EHBP1: variants seen among roughly 807,000 people sequenced by gnomAD.
EHBP1 encodes EH domain binding protein 1, also known as EH domain-binding protein 1.
Under a neutral mutation model 144.0 loss-of-function variants are expected in EHBP1, and 55 were observed. The observed-to-expected ratio is 0.38, with a 90% CI of 0.31 to 0.48. EHBP1 has a LOEUF of 0.48. Among genes scored for constraint, EHBP1 ranks in the 20% least tolerant of loss-of-function variants. EHBP1 has a pLI of 0.98. For synonymous variants in EHBP1, 469 were observed against 472.7 expected (o/e 0.99, Z 0.10); for missense variants, 1,200 against 1,364.2 (o/e 0.88, Z 1.90).
At chr2:63,001,109 C>T (rs572066217) in intron 19 of EHBP1, among the ~76,000 whole-genome samples, 43 of 152,112 alleles carry the variant, frequency 2.8e-4, no homozygotes, top group African/African-American at 9.6e-4. Context: ...TTTTCCATTC[C>T]CAATCTGTTT....
chr2:62,746,928 T>G (rs1005327204), intron 2 of EHBP1, among the ~76,000 whole-genome samples: 1 of 152,034 alleles, frequency 6.6e-6, no homozygotes, highest in Admixed American at 6.6e-5. Flanking sequence ...TTGAGATGAT[T>G]GGCTATAATA....
rs759632063 is a variant in EHBP1 at position 62,864,824 on chromosome 2, A to G, written c.851A>G (p.Tyr284Cys). 1.9e-6 allele frequency: 3 copies of G among 1,614,014 alleles called. No homozygotes were observed. The highest frequency in any genetic ancestry group is 2.2e-5 in the South Asian group (2 of 91,088). ...NPFKEVQTPQ[Y>C]LNPFDEPEAF... is the part of the protein sequence containing the mutation. ...TTTAAAGAGGTGCAGACTCCACAGT[A>G]TTTGAACCCATTCGATGAGCCAGAA... is the stretch of plus-strand genomic sequence containing the variant. The change falls in exon 9 of 23, where the codon TAT becomes TGT. Residue 284 changes from tyrosine to cysteine, a missense_variant. Physicochemically the swap from Tyr to Cys is radical, Grantham distance 194 (BLOSUM62 -2). Around this residue, in one of 6 missense-constraint regions of EHBP1, gnomAD observed 266 missense variants for 262.4 expected, o/e 1.01. Coordinates refer to ENST00000431489, the MANE Select transcript of EHBP1 (RefSeq NM_001142616.3).
chr2:63,004,347 A>G (rs1292495767), intron 19 of EHBP1, among the ~76,000 whole-genome samples: 2 of 152,044 alleles, frequency 1.3e-5, no homozygotes, highest in Non-Finnish European at 2.9e-5. Flanking sequence ...AAGTTCTTTT[A>G]ACTACATCTT....
At chr2:62,887,423 A>G (rs1476185073) in intron 10 of EHBP1, among the ~76,000 whole-genome samples, 1 of 152,150 alleles carries the variant, frequency 6.6e-6, no homozygotes, top group African/African-American at 2.4e-5. Flanking sequence ...ATTACTTGCA[A>G]GAGTCTTTTT....
At chr2:62,686,555 C>A (rs1054069314) in intron 1 of EHBP1, among the ~76,000 whole-genome samples, 2 of 152,156 alleles carry the variant, frequency 1.3e-5, no homozygotes, top group African/African-American at 4.8e-5. Flanking sequence ...CAAATTATCA[C>A]CGTATTGCTC....
intron 9 of EHBP1, among the ~76,000 whole-genome samples, 196 bp from the exon 10 acceptor site, chr2:62,874,150 A>G (rs1031852046): frequency 3.9e-5 from 6 of 152,208 alleles, no homozygotes; most frequent in South Asian, 4.1e-4. Flanking sequence ...AGTACTTTTT[A>G]AAACCAAATT....
At chr2:62,917,666 G>A (rs1442873822) in intron 10 of EHBP1, among the ~76,000 whole-genome samples, 1 of 152,106 alleles carries the variant, frequency 6.6e-6, no homozygotes, top group African/African-American at 2.4e-5. Flanking sequence ...TTACAGAACT[G>A]AATTGATTTT....
chr2:62,767,929 G>A (rs1242424948), intron 4 of EHBP1, among the ~76,000 whole-genome samples: 1 of 151,972 alleles, frequency 6.6e-6, no homozygotes, highest in African/African-American at 2.4e-5. Context: ...TTACTTTGGG[G>A]TAAATAATGA....
chr2:62,927,852 C>T (rs550847108), intron 10 of EHBP1, among the ~76,000 whole-genome samples: 1 of 152,152 alleles, frequency 6.6e-6, no homozygotes, highest in East Asian at 1.9e-4. Flanking sequence ...TGTTAAGCCA[C>T]AAATTAAGTT....
rs577282847 is a variant in EHBP1 at position 62,862,534 on chromosome 2, C to T, written c.758-2197C>T. Among the ~76,000 whole-genome samples the T allele has an allele frequency of 9.2e-5, 14 of 152,104 alleles. 1 individual carries two copies. The highest frequency in any genetic ancestry group is 5.8e-4 in the East Asian group (3 of 5,170). On this transcript the variant is annotated intron_variant, in intron 8 of 22. Transcript: ENST00000431489. ...TTGAGGCAGGAGAATAGCTTGACAC[C>T]GGGAGAGGTCACTGCAGAGGTTGCA...
At chr2:62,851,947 C>T (rs577692977) in intron 7 of EHBP1, among the ~76,000 whole-genome samples, 1 of 152,148 alleles carries the variant, frequency 6.6e-6, no homozygotes, top group South Asian at 2.1e-4. Flanking sequence ...TCACCAAAAG[C>T]ATGATGATGA....
chr2:62,968,800 T>A (rs1047547371), intron 14 of EHBP1, among the ~76,000 whole-genome samples: 5 of 152,186 alleles, frequency 3.3e-5, no homozygotes, highest in Admixed American at 2.0e-4. Context: ...TCTATCTCCT[T>A]CTGCATGAGT....
chr2:62,761,050 C>T (rs960396978), intron 3 of EHBP1, among the ~76,000 whole-genome samples: 4 of 152,008 alleles, frequency 2.6e-5, no homozygotes, highest in African/African-American at 7.2e-5. Flanking sequence ...ACCAGAAAAA[C>T]AGCTTGATTA....
intron 4 of EHBP1, among the ~76,000 whole-genome samples, chr2:62,770,540 CA>C (rs890043721): frequency 1.3e-5 from 2 of 152,100 alleles, no homozygotes; most frequent in Non-Finnish European, 2.9e-5. Context: ...GAAAAGGGAA[CA>C]CTTATACACT....
chr2:62,800,650 A>T (rs552133662), intron 5 of EHBP1, among the ~76,000 whole-genome samples: 17 of 152,302 alleles, frequency 1.1e-4, no homozygotes, highest in South Asian at 4.1e-4. Context: ...TTTTGGCAAG[A>T]GTGGTGGTCA....
At chr2:62,932,951 CAAAAAAAAAA>C (rs1163755712) in intron 10 of EHBP1, among the ~76,000 whole-genome samples, 2 of 46,214 alleles carry the variant, frequency 4.3e-5, no homozygotes, top group African/African-American at 1.5e-4. Context: ...GACTCCATCT[CAAAAAAAAAA>C]AAAAAAAAAG....
intron 2 of EHBP1, among the ~76,000 whole-genome samples, chr2:62,742,763 T>C (rs529178144): frequency 1.3e-5 from 2 of 152,254 alleles, no homozygotes; most frequent in East Asian, 3.9e-4. Flanking sequence ...TTCTGTTGAC[T>C]TGGAAAACAA....
At chr2:62,746,871 T>G (rs950044978) in intron 2 of EHBP1, among the ~76,000 whole-genome samples, 1 of 152,062 alleles carries the variant, frequency 6.6e-6, no homozygotes, top group Non-Finnish European at 1.5e-5. Context: ...GGGATAATAG[T>G]ATATACCTTG....
At chr2:62,703,690 A>T (rs1382437549), upstream of EHBP1, among the ~76,000 whole-genome samples, 3 of 152,264 alleles carry the variant, frequency 2.0e-5, no homozygotes, top group Non-Finnish European at 4.4e-5. Flanking sequence ...AGCTGTCATA[A>T]GAAACTATCA....
Sources: allele counts gnomAD v4.1 joint callset (sites outside exome capture counted in the v4.1 genomes callset), GRCh38; gene constraint gnomAD v4.1.1; regional missense constraint gnomAD v4.1.1; transcripts MANE v1.5; gene names NCBI Gene and HGNC (gene_info 2026-07-23, HGNC 2026-07-21).